The following EIF3K variants were observed in gnomAD, a reference collection of about 807,000 sequenced individuals.
The protein encoded by EIF3K is eIF-3 p28.
In EIF3K, 27 loss-of-function variants were observed where a neutral mutation model predicts 34.2. That is an observed-to-expected ratio of 0.79 (90% CI 0.58 to 1.09). The LOEUF is 1.09. EIF3K is among the 50% of genes least tolerant of loss of function. The pLI is 0.00. For synonymous variants in EIF3K, 105 were observed against 105.7 expected (o/e 0.99, Z 0.04); for missense variants, 232 against 275.4 (o/e 0.84, Z 1.11).
chr19:38,619,196 G>A lies in EIF3K; in HGVS notation c.-73G>A, dbSNP rs895379233. ...GTTTCCGTTTCCACCACCTCTTCCTGTTCCCGTCCTTGAGGACGCCGTGCC... is the reference window on the plus strand; with the variant it reads ...GTTTCCGTTTCCACCACCTCTTCCTATTCCCGTCCTTGAGGACGCCGTGCC... On this transcript the variant is annotated 5_prime_UTR_variant, in exon 1 of 8. Transcript: ENST00000248342. 1 of 1,557,224 alleles carries A rather than the reference G, an allele frequency of 6.4e-7. No individual in the cohort carries two copies. The highest frequency in any genetic ancestry group is 8.8e-7 in the Non-Finnish European group (1 of 1,134,854).
chr19:38,633,698 A>G (rs1470751274), intron 6 of EIF3K, among the ~76,000 whole-genome samples: 1 of 150,644 alleles, frequency 6.6e-6, no homozygotes, highest in Non-Finnish European at 1.5e-5. Flanking sequence ...CTAAAAAAAA[A>G]AAGAAACTAA....
In EIF3K at chr19:38,619,995, G is replaced by T. The variant is rs370662547; in HGVS notation, c.60-342G>T. Among the ~76,000 whole-genome samples the T allele has an allele frequency of 4.1e-4, 63 of 152,294 alleles. 2 individuals are homozygous for T. The East Asian group carries it at 5.8e-3, about 14-fold the overall frequency. On this transcript the variant is annotated intron_variant, in intron 1 of 7. Transcript: ENST00000248342. ...GGCAGGAGAGGATGGGGCTGGATCA[G>T]GGTGGAGGCCTGAACAGGGGAGGAA...
intron 4 of EIF3K, 168 bp downstream of exon 4, chr19:38,626,270 C>A: frequency 3.0e-6 from 2 of 674,676 alleles, no homozygotes; most frequent in Non-Finnish European, 2.6e-6. Context: ...CAGGTACTCA[C>A]AGGTCATCCC....
chr19:38,633,118 A>G (rs1316004977), intron 6 of EIF3K, among the ~76,000 whole-genome samples: 1 of 152,164 alleles, frequency 6.6e-6, no homozygotes, highest in Non-Finnish European at 1.5e-5. Flanking sequence ...ATAGTAGAGC[A>G]GGGCCCTGAC....
chr19:38,636,783 AAGG>A, intron 7 of EIF3K, 103 bp from the exon 8 acceptor site: 2 of 1,319,164 alleles, frequency 1.5e-6, no homozygotes, highest in Non-Finnish European at 2.2e-6. Flanking sequence ...TGGGGCCTGG[AAGG>A]AGTTTATGAT....
chr19:38,619,526 C>T (rs996693679), intron 1 of EIF3K, among the ~76,000 whole-genome samples, 199 bp downstream of exon 1: 2 of 152,100 alleles, frequency 1.3e-5, no homozygotes, highest in Admixed American at 6.5e-5. Flanking sequence ...CTTTGGGAGG[C>T]CGAGGTAGGT....
intron 3 of EIF3K, 47 bp downstream of exon 3, chr19:38,624,244 A>T: frequency 6.2e-7 from 1 of 1,611,452 alleles, no homozygotes; most frequent in Non-Finnish European, 8.5e-7. Context: ...AAGGGGTCAG[A>T]GTCAAGGTGC....
chr19:38,621,197 TAAAAAA>T (rs34987023), intron 2 of EIF3K, among the ~76,000 whole-genome samples: 1 of 120,078 alleles, frequency 8.3e-6, no homozygotes, highest in Non-Finnish European at 1.8e-5. Context: ...CCCCTCTTTT[TAAAAAA>T]AAAAAAAAAA....
chr19:38,620,531 C>T, intron 2 of EIF3K, 96 bp downstream of exon 2: 1 of 1,012,006 alleles, frequency 9.9e-7, no homozygotes, highest in Non-Finnish European at 1.5e-6. Context: ...GTATCCTGAA[C>T]AATGCAGCAT....
chr19:38,636,829 G>A (rs1976201940), intron 7 of EIF3K, 60 bp from the exon 8 acceptor site: 2 of 1,595,804 alleles, frequency 1.3e-6, no homozygotes, highest in African/African-American at 2.7e-5. Context: ...GCTGTAGCAG[G>A]TGGCTGGAGG....
Position 38,619,221 on chromosome 19 carries a change from C to A in EIF3K, c.-48C>A. On this transcript the variant is annotated 5_prime_UTR_variant, in exon 1 of 8. Coordinates refer to ENST00000248342, the MANE Select transcript of EIF3K (RefSeq NM_013234.4). The stretch of plus-strand genomic sequence containing the variant: ...GTTCCCGTCCTTGAGGACGCCGTGC[C>A]GGGTCAGTGTTAGCCTCCAGCCCTG... 1 of 1,600,902 alleles carries A rather than the reference C, an allele frequency of 6.2e-7. No homozygotes were observed. The highest frequency in any genetic ancestry group is 8.5e-7 in the Non-Finnish European group (1 of 1,169,656).
Position 38,635,125 on chromosome 19 carries a change from G to T in EIF3K, c.625+7G>T. On this transcript the variant is annotated splice_region_variant and intron_variant, in intron 7 of 7. Coordinates refer to ENST00000248342, the MANE Select transcript of EIF3K (RefSeq NM_013234.4). Reference sequence around the variant, plus strand: ...GAGAAGATTGACTTTGACAGTGAGTGGTGACCCACGGCCTCGGGCTTTGGG... The same window carrying T: ...GAGAAGATTGACTTTGACAGTGAGTTGTGACCCACGGCCTCGGGCTTTGGG... 1 of 1,614,176 alleles carries T rather than the reference G, an allele frequency of 6.2e-7. No individual in the cohort carries two copies. Among genetic ancestry groups the T allele is most frequent in the South Asian group, 1.1e-5 (1 of 91,044 alleles).
intron 7 of EIF3K, among the ~76,000 whole-genome samples, chr19:38,636,333 T>C (rs1046304462): frequency 6.6e-6 from 1 of 152,084 alleles, no homozygotes; most frequent in South Asian, 2.1e-4. Flanking sequence ...TCTGGCTCCA[T>C]TGCTCTGTGT....
intron 2 of EIF3K, among the ~76,000 whole-genome samples, chr19:38,621,671 T>TGA (rs1975843358): frequency 6.6e-6 from 1 of 152,240 alleles, no homozygotes; most frequent in South Asian, 2.1e-4. Flanking sequence ...CAGGTTTCCC[T>TGA]GCTTTGAACT....
intron 6 of EIF3K, 151 bp downstream of exon 6, chr19:38,632,829 A>G: frequency 3.1e-6 from 2 of 645,258 alleles, no homozygotes; most frequent in Admixed American, 3.3e-5. Context: ...TTGGTATAAG[A>G]CAGTCTCTGC....
intron 1 of EIF3K, among the ~76,000 whole-genome samples, chr19:38,619,799 C>T (rs755321653): frequency 7.9e-5 from 12 of 152,210 alleles, no homozygotes; most frequent in Non-Finnish European, 2.9e-5. Context: ...ATGCTGGGAA[C>T]CACAGGCGAA....
intron 1 of EIF3K, among the ~76,000 whole-genome samples, chr19:38,619,535 G>A (rs954741174): frequency 2.0e-5 from 3 of 152,182 alleles, no homozygotes; most frequent in Non-Finnish European, 4.4e-5. Context: ...GCCGAGGTAG[G>A]TGGGTCGCCT....
chr19:38,620,837 T>C (rs189850356), intron 2 of EIF3K, among the ~76,000 whole-genome samples: 213 of 151,872 alleles, frequency 1.4e-3, no homozygotes, highest in African/African-American at 4.8e-3. Flanking sequence ...GAGATTGTGG[T>C]GAACCAAGAT....
Position 38,624,203 on chromosome 19 carries a change from C to T in EIF3K, c.279+6C>T, listed in dbSNP as rs769731569. On this transcript the variant is annotated splice_donor_region_variant and intron_variant, in intron 3 of 7. Transcript: ENST00000248342. ...GCATGATCGACCAGGCACATGTATC[C>T]TTCCAGCACTGGGGCCGGGGGGTGT... 6.2e-7 allele frequency: 1 copy of T among 1,614,096 alleles called. No homozygotes were observed. The highest frequency in any genetic ancestry group is 8.5e-7 in the Non-Finnish European group (1 of 1,179,984).
Sources: allele counts gnomAD v4.1 joint callset (sites outside exome capture counted in the v4.1 genomes callset), GRCh38; gene constraint gnomAD v4.1.1; transcripts MANE v1.5; gene names NCBI Gene and HGNC (gene_info 2026-07-23, HGNC 2026-07-21).